The following OR2L2 variants were observed in gnomAD, a reference collection of about 807,000 sequenced individuals.
OR2L2 encodes the protein olfactory receptor family 2 subfamily L member 2, also known as olfactory receptor 2L2.
For missense variants in OR2L2, 378 were observed against 375.2 expected, an observed-to-expected ratio of 1.01 and a Z score of -0.06; for synonymous variants, 156 against 135.4, an observed-to-expected ratio of 1.15 and a Z score of -1.06.
Position 248,039,183 on chromosome 1 carries a change from A to G in OR2L2, c.916A>G (p.Lys306Glu). ...GGGGGCCCTGACACAAGTGATTCAGAAAATCTTCTCAGTGAAAATGTAGAC... is the reference window on the plus strand; with the variant it reads ...GGGGGCCCTGACACAAGTGATTCAGGAAATCTTCTCAGTGAAAATGTAGAC... ...VMGALTQVIQ[K>E]IFSVKM Residue 306 changes from lysine (K) to glutamate (E), a missense_variant, in exon 3 of 3, where the codon AAA (lysine) becomes GAA (glutamate). Coordinates refer to ENST00000641771, the MANE Select transcript of OR2L2 (RefSeq NM_001385855.1). 1 of 1,610,440 alleles carries G rather than the reference A, an allele frequency of 6.2e-7. No individual in the cohort carries two copies. The highest frequency in any genetic ancestry group is 1.1e-5 in the South Asian group (1 of 90,620).
In OR2L2 at chr1:248,040,699, T is replaced by C. The variant is rs182053301; in HGVS notation, c.*1493T>C. Reference sequence around the variant, plus strand: ...CATATAAGATACAAAGTTGTGTTAATTGAATGCTTATGTTATTTGTAAGGC... The same window carrying C: ...CATATAAGATACAAAGTTGTGTTAACTGAATGCTTATGTTATTTGTAAGGC... On this transcript the variant is annotated 3_prime_UTR_variant, in exon 3 of 3. Transcript: ENST00000641771. 137 of 152,316 alleles carry C rather than the reference T, an allele frequency of 9.0e-4. No homozygotes were observed. The highest frequency in any genetic ancestry group is 3.2e-3 in the African/African-American group (131 of 41,568). 9.4% of individuals were successfully genotyped at this position (152,316 alleles called of 1,614,324 possible).
chr1:248,038,740 A>T lies in OR2L2; in HGVS notation c.473A>T (p.His158Leu). 1.2e-6 allele frequency: 2 copies of T among 1,614,160 alleles called. No individual in the cohort carries two copies. The highest frequency in any genetic ancestry group is 1.7e-6 in the Non-Finnish European group (2 of 1,180,016). The stretch of plus-strand genomic sequence containing the variant: ...ATAAGCTCTATCAACTCTTGTGCTC[A>T]CACAGTATATGCACTCTGTATCCCA... ...WMISSINSCAHTVYALCIPYC... is the reference protein window; with the variant it reads ...WMISSINSCALTVYALCIPYC... The change falls in exon 3 of 3, where the codon CAC becomes CTC. Residue 158 changes from histidine to leucine, a missense_variant. Physicochemically the swap from His to Leu is moderately conservative, Grantham distance 99. Coordinates refer to ENST00000641771, the MANE Select transcript of OR2L2 (RefSeq NM_001385855.1).
intron 1 of OR2L2, 138 bp from the exon 2 acceptor site, chr1:248,035,412 G>A: frequency 6.6e-6 from 1 of 152,076 alleles, no homozygotes; most frequent in Non-Finnish European, 1.5e-5. Context: ...TCGCGCCACT[G>A]CACTCCAGCC....
Position 248,038,831 on chromosome 1 carries a change from C to T in OR2L2, c.564C>T (p.Cys188=), listed in dbSNP as rs1447293549. The T allele has an allele frequency of 1.9e-6, 3 of 1,614,164 alleles. No homozygotes were observed. Among genetic ancestry groups the T allele is most frequent in the Non-Finnish European group, 2.5e-6 (3 of 1,180,026 alleles). The change falls in exon 3 of 3, where the codon TGC becomes TGT. Residue 188 remains cysteine (C), a synonymous_variant. Transcript: ENST00000641771. ...CDVPAMLTLA[C]TDTWVYESTV... The stretch of plus-strand genomic sequence containing the variant: ...TTCCAGCTATGTTGACGCTAGCCTG[C>T]ACAGACACTTGGGTCTATGAGAGCA...
chr1:248,042,202 G>A lies in OR2L2; in HGVS notation c.*2996G>A, dbSNP rs1279473043. ...AAAAGATGATGAGTTCATGTCCTTT[G>A]TAGGGACATGGATGAAATTGGAAAT... On this transcript the variant is annotated 3_prime_UTR_variant, in exon 3 of 3. Transcript: ENST00000641771. 1.3e-5 allele frequency: 2 copies of A among 152,090 alleles called. No individual in the cohort carries two copies. The highest frequency in any genetic ancestry group is 4.8e-5 in the African/African-American group (2 of 41,408). The allele number at this position is 152,090 out of a possible 1,614,324, so 9.4% of individuals were successfully genotyped here.
Position 248,039,346 on chromosome 1 carries a change from G to A in OR2L2, c.*140G>A, listed in dbSNP as rs979758888. 3.3e-6 allele frequency: 2 copies of A among 613,514 alleles called. No individual in the cohort carries two copies. The highest frequency in any genetic ancestry group is 5.2e-6 in the Non-Finnish European group (2 of 381,894). The allele number at this position is 613,514 out of a possible 1,614,324, so 38.0% of individuals were successfully genotyped here. On this transcript the variant is annotated 3_prime_UTR_variant, in exon 3 of 3. Transcript: ENST00000641771. ...GAAATTTGTCTTTTAATTTAGTCTTGACAATATTATAATACATATTAATAC... is the reference window on the plus strand; with the variant it reads ...GAAATTTGTCTTTTAATTTAGTCTTAACAATATTATAATACATATTAATAC...
At chr1:248,031,921 C>T (rs950752562) in intron 1 of OR2L2, among the ~76,000 whole-genome samples, 3 of 152,008 alleles carry the variant, frequency 2.0e-5, no homozygotes, top group South Asian at 2.1e-4. Context: ...TACTTTTCCT[C>T]TTTTTAAAAG....
rs779390678 is a variant in OR2L2 at position 248,038,672 on chromosome 1, A to G, written c.405A>G (p.Ile135Met). 3.2e-5 allele frequency: 52 copies of G among 1,614,022 alleles called. No homozygotes were observed. Among genetic ancestry groups the G allele is most frequent in the South Asian group, 1.3e-4 (12 of 91,088 alleles). Residue 135 changes from isoleucine to methionine, a missense_variant, in exon 3 of 3, where the codon ATA becomes ATG. Physicochemically the swap from Ile to Met is conservative, Grantham distance 10 (BLOSUM62 1). Transcript: ENST00000641771. ...ICFPLHYPIR[I>M]SKRVCVMMIT... ...TTCCTCTCCACTATCCCATCCGTAT[A>G]AGCAAAAGAGTGTGTGTGATGATGA...
intron 1 of OR2L2, among the ~76,000 whole-genome samples, chr1:248,035,277 C>G (rs984098788): frequency 1.3e-5 from 2 of 151,796 alleles, no homozygotes; most frequent in Non-Finnish European, 2.9e-5. Context: ...GGTGAAACCC[C>G]GTCTCTACTA....
chr1:248,038,945 C>T lies in OR2L2; in HGVS notation c.678C>T (p.Arg226=), dbSNP rs1219725951. 3.1e-6 allele frequency: 5 copies of T among 1,614,140 alleles called. No homozygotes were observed. The highest frequency in any genetic ancestry group is 4.2e-6 in the Non-Finnish European group (5 of 1,180,018). The change falls in exon 3 of 3, where the codon CGC becomes CGT. Residue 226 remains arginine (R), a synonymous_variant. Transcript: ENST00000641771. The part of the protein sequence containing the change: ...SYGRVLLAVY[R]MHSAEGRKKA... ...GCCGGGTTCTCCTTGCTGTCTACCG[C>T]ATGCACTCTGCAGAAGGGAGGAAGA... is the stretch of plus-strand genomic sequence containing the variant.
In OR2L2 at chr1:248,038,656, A is replaced by G. The variant is rs755704999; in HGVS notation, c.389A>G (p.His130Arg). ...TATGTGGCCATTTGCTTTCCTCTCCACTATCCCATCCGTATAAGCAAAAGA... is the reference window on the plus strand; with the variant it reads ...TATGTGGCCATTTGCTTTCCTCTCCGCTATCCCATCCGTATAAGCAAAAGA... ...DRYVAICFPL[H>R]YPIRISKRVC... Residue 130 changes from histidine to arginine, a missense_variant, in exon 3 of 3, where the codon CAC becomes CGC. His to Arg is a conservative substitution (Grantham distance 29). Transcript: ENST00000641771. 23 of 1,613,944 alleles carry G rather than the reference A, an allele frequency of 1.4e-5. No individual in the cohort carries two copies. In the African/African-American group the frequency reaches 2.9e-4, roughly 21 times the overall value.
chr1:248,036,147 A>G (rs990850779), intron 2 of OR2L2, among the ~76,000 whole-genome samples: 3 of 152,014 alleles, frequency 2.0e-5, no homozygotes, highest in Non-Finnish European at 2.9e-5. Context: ...TATTGAGTTT[A>G]TTATTATTTG....
intron 2 of OR2L2, among the ~76,000 whole-genome samples, chr1:248,037,697 A>G (rs1662802319): frequency 2.0e-5 from 3 of 152,326 alleles, no homozygotes; most frequent in Non-Finnish European, 4.4e-5. Flanking sequence ...AGGATTTTTA[A>G]AAACAATTGG....
chr1:248,036,058 T>C (rs1271927897), intron 2 of OR2L2, among the ~76,000 whole-genome samples: 2 of 152,200 alleles, frequency 1.3e-5, no homozygotes, highest in Non-Finnish European at 2.9e-5. Context: ...ACTAAAAATA[T>C]TTCTCACTTA....
intron 2 of OR2L2, 151 bp from the exon 3 acceptor site, chr1:248,038,096 A>T: frequency 2.0e-6 from 1 of 509,750 alleles, no homozygotes; most frequent in Non-Finnish European, 3.5e-6. Context: ...TATAAATTAA[A>T]GTTTATAATA....
intron 2 of OR2L2, among the ~76,000 whole-genome samples, chr1:248,036,307 A>G (rs1159603917): frequency 6.6e-6 from 1 of 152,094 alleles, no homozygotes; most frequent in African/African-American, 2.4e-5. Context: ...TTAATGCGGT[A>G]TCAATTATTG....
chr1:248,035,787 AC>A (rs1273964581), intron 2 of OR2L2, among the ~76,000 whole-genome samples, 163 bp downstream of exon 2: 2 of 151,836 alleles, frequency 1.3e-5, no homozygotes, highest in Admixed American at 6.6e-5. Flanking sequence ...CAACATCACT[AC>A]CCCCACACTC....
At chr1:248,037,112 G>T (rs183211254) in intron 2 of OR2L2, among the ~76,000 whole-genome samples, 1 of 152,140 alleles carries the variant, frequency 6.6e-6, no homozygotes, top group Non-Finnish European at 1.5e-5. Flanking sequence ...ACATTTGATG[G>T]TGGTGGACAT....
Position 248,041,842 on chromosome 1 carries a change from T to C in OR2L2, c.*2636T>C, listed in dbSNP as rs1662959297. 2 of 152,176 alleles carry C rather than the reference T, an allele frequency of 1.3e-5. No homozygotes were observed. Among genetic ancestry groups the C allele is most frequent in the South Asian group, 4.1e-4 (2 of 4,822 alleles). The allele number at this position is 152,176 out of a possible 1,614,324, so 9.4% of individuals were successfully genotyped here. ...CTCACACCAGTTAGAATGGCAATCA[T>C]TAAAACGTCAGGAAACAACAGGTGC... is the stretch of plus-strand genomic sequence containing the variant. On this transcript the variant is annotated 3_prime_UTR_variant, in exon 3 of 3. Coordinates refer to ENST00000641771, the MANE Select transcript of OR2L2 (RefSeq NM_001385855.1).
Sources: allele counts gnomAD v4.1 joint callset (sites outside exome capture counted in the v4.1 genomes callset), GRCh38; gene constraint gnomAD v4.1.1; transcripts MANE v1.5; gene names NCBI Gene and HGNC (gene_info 2026-07-23, HGNC 2026-07-21).